Variants in CUL1 observed in about 807,000 individuals in gnomAD.
CUL1 encodes cullin-1.
A neutral mutation model predicts 118.0 loss-of-function variants in CUL1; 24 were observed. The observed-to-expected ratio is 0.20, with a 90% confidence interval of 0.15 to 0.29. The LOEUF is 0.29. Ranked by LOEUF, CUL1 falls within the 10% of genes least tolerant of loss-of-function variation. The pLI is 1.00. For synonymous variants in CUL1, 332 were observed against 340.4 expected, an observed-to-expected ratio of 0.98 and a Z score of 0.27; for missense variants, 361 against 933.8, an observed-to-expected ratio of 0.39 and a Z score of 7.99.
intron 9 of CUL1, among the ~76,000 whole-genome samples, chr7:148,777,947 C>T (rs1054685114): frequency 4.6e-4 from 69 of 151,360 alleles, no homozygotes; most frequent in African/African-American, 1.7e-3. Flanking sequence ...CCTGTAATCT[C>T]AGCTACTTGG....
At chr7:148,795,769 C>CAAAAAAAA (rs915978562) in intron 17 of CUL1, among the ~76,000 whole-genome samples, 1 of 56,100 alleles carries the variant, frequency 1.8e-5, no homozygotes, top group African/African-American at 6.3e-5. Context: ...GACTCTGTCT[C>CAAAAAAAA]AAAAAAAAAA....
intron 9 of CUL1, among the ~76,000 whole-genome samples, chr7:148,778,070 CAAAAAAAAAAAAAA>C (rs1203417069): frequency 7.3e-5 from 1 of 13,792 alleles, no homozygotes. Flanking sequence ...GACCCTGTCT[CAAAAAAAAAAAAAA>C]AAAAAAAAAA....
intron 15 of CUL1, 53 bp from the exon 16 acceptor site, chr7:148,790,257 C>A: frequency 1.3e-6 from 2 of 1,592,372 alleles, no homozygotes; most frequent in Non-Finnish European, 1.7e-6. Flanking sequence ...AGAAACGCTG[C>A]CTGTAGGATG....
chr7:148,756,333 C>CT (rs992783928), intron 3 of CUL1, among the ~76,000 whole-genome samples: 74 of 148,134 alleles, frequency 5.0e-4, no homozygotes, highest in Non-Finnish European at 6.9e-4. Flanking sequence ...ATGTTGATTT[C>CT]TTTTTTTTTT....
At chr7:148,785,826 C>G (rs1800799258) in intron 11 of CUL1, among the ~76,000 whole-genome samples, 1 of 152,104 alleles carries the variant, frequency 6.6e-6, no homozygotes, top group Admixed American at 6.6e-5. Context: ...CTAAGTTAAA[C>G]TGCTCCAAGG....
At chr7:148,727,703 ACT>A (rs1266045243) in intron 1 of CUL1, among the ~76,000 whole-genome samples, 2 of 151,982 alleles carry the variant, frequency 1.3e-5, no homozygotes, top group Admixed American at 6.6e-5. Flanking sequence ...ACTCTCTAGA[ACT>A]CTCTAGGCAG....
intron 2 of CUL1, among the ~76,000 whole-genome samples, chr7:148,748,507 C>G (rs760888866): frequency 6.6e-6 from 1 of 152,276 alleles, no homozygotes; most frequent in Admixed American, 6.5e-5. Flanking sequence ...TTAGTTAACA[C>G]TGCCTCAAAA....
intron 11 of CUL1, among the ~76,000 whole-genome samples, chr7:148,784,990 A>G (rs1386859517): frequency 2.6e-5 from 4 of 152,200 alleles, no homozygotes; most frequent in African/African-American, 9.7e-5. Flanking sequence ...CATAAGGATA[A>G]CCCAGCAGTA....
chr7:148,702,791 T>C (rs545991557), intron 1 of CUL1, among the ~76,000 whole-genome samples: 1 of 152,224 alleles, frequency 6.6e-6, no homozygotes, highest in Admixed American at 6.5e-5. Flanking sequence ...CCTATGTCAC[T>C]ATCACAGTAT....
At chr7:148,699,684 G>T (rs73465465) in intron 1 of CUL1, among the ~76,000 whole-genome samples, 2,001 of 152,070 alleles carry the variant, frequency 0.013, 36 homozygotes, top group African/African-American at 0.046. Context: ...CTTTTGCCCC[G>T]TTCTCCTGGG....
At chr7:148,789,968 G>A (rs1269259480) in intron 15 of CUL1, 142 bp downstream of exon 15, 1 of 797,948 alleles carries the variant, frequency 1.3e-6, no homozygotes, top group African/African-American at 1.7e-5. Flanking sequence ...GCAACACTCA[G>A]GGAAGAGCCC....
At position 148,800,325 on chromosome 7, in the gene CUL1, A is replaced by T. The variant is rs565054701; in HGVS notation, c.2251-177A>T. Among the ~76,000 whole-genome samples, 5 of 152,312 alleles carry T rather than the reference A, an allele frequency of 3.3e-5. No individual in the cohort carries two copies. The highest frequency in any genetic ancestry group is 7.4e-5 in the Non-Finnish European group (5 of 68,024). ...AAGTGTCAGGGAGCTCCGTGCATGAAGGCTTAGCTGCCAGGAAGTAAAACT... is the reference window on the plus strand; with the variant it reads ...AAGTGTCAGGGAGCTCCGTGCATGATGGCTTAGCTGCCAGGAAGTAAAACT... On this transcript the variant is annotated intron_variant, in intron 21 of 21. Coordinates refer to ENST00000325222, the MANE Select transcript of CUL1 (RefSeq NM_003592.3). The surrounding 1 kb of genome is among the most constrained non-coding windows in gnomAD (Gnocchi z 4.6).
intron 1 of CUL1, among the ~76,000 whole-genome samples, chr7:148,709,674 T>A (rs561577999): frequency 1.3e-3 from 199 of 152,338 alleles, no homozygotes; most frequent in Admixed American, 3.6e-3. Flanking sequence ...GTTGAGACTT[T>A]CCACATGAAA....
At chr7:148,711,159 C>T (rs1798038068) in intron 1 of CUL1, among the ~76,000 whole-genome samples, 1 of 152,168 alleles carries the variant, frequency 6.6e-6, no homozygotes, top group Non-Finnish European at 1.5e-5. Context: ...TTATTCTTGA[C>T]TGATTTAAAT....
intron 2 of CUL1, among the ~76,000 whole-genome samples, chr7:148,734,231 G>A (rs552845905): frequency 1.1e-4 from 16 of 152,136 alleles, no homozygotes; most frequent in African/African-American, 3.6e-4. Context: ...TCTTACATGT[G>A]TATAGTTACC....
rs994408700 is a variant in CUL1 at position 148,786,536 on chromosome 7, T to G, written c.1299-15T>G. 1.9e-6 allele frequency: 3 copies of G among 1,608,734 alleles called. No homozygotes were observed. The highest frequency in any genetic ancestry group is 1.7e-6 in the Non-Finnish European group (2 of 1,175,850). ...ACTGATGTTTTAAAACATGGTATCTTTTTAAAATTTTCAGTTCCAAGAACC... is the reference window on the plus strand; with the variant it reads ...ACTGATGTTTTAAAACATGGTATCTGTTTAAAATTTTCAGTTCCAAGAACC... On this transcript the variant is annotated splice_polypyrimidine_tract_variant and intron_variant, in intron 11 of 21. Transcript: ENST00000325222.
chr7:148,800,407 G>A lies in CUL1; in HGVS notation c.2251-95G>A. 1 of 958,990 alleles carries A rather than the reference G, an allele frequency of 1.0e-6. No homozygotes were observed. The highest frequency in any genetic ancestry group is 1.6e-6 in the Non-Finnish European group (1 of 606,274). The allele number at this position is 958,990 out of a possible 1,614,324, so 59.4% of individuals were successfully genotyped here. On this transcript the variant is annotated intron_variant, in intron 21 of 21. Transcript: ENST00000325222. The surrounding 1 kb of genome is among the most constrained non-coding windows in gnomAD (Gnocchi z 4.6). Reference sequence around the variant, plus strand: ...CTCCCCACTGAGCTCCGAATCAGGGGAGATTTGTGGTGGGGGCAGCCTCTC... The same window carrying A: ...CTCCCCACTGAGCTCCGAATCAGGGAAGATTTGTGGTGGGGGCAGCCTCTC...
chr7:148,761,739 C>T (rs375322296), intron 7 of CUL1, among the ~76,000 whole-genome samples: 15 of 152,142 alleles, frequency 9.9e-5, no homozygotes, highest in African/African-American at 3.6e-4. Flanking sequence ...ACTTTATTTA[C>T]AGAAAAAGGC....
intron 2 of CUL1, among the ~76,000 whole-genome samples, chr7:148,741,835 A>C (rs1473937007): frequency 6.6e-6 from 1 of 152,244 alleles, no homozygotes; most frequent in Non-Finnish European, 1.5e-5. Flanking sequence ...CAGCCCCCCA[A>C]AGTGCTGGGA....
Sources: gnomAD v4.1 joint callset for allele counts (sites outside exome capture counted in the v4.1 genomes callset) on GRCh38, gnomAD v4.1.1 for gene constraint, Gnocchi (gnomAD v3.1) non-coding constraint, MANE v1.5 for transcripts, NCBI Gene and HGNC (gene_info 2026-07-23, HGNC 2026-07-21) for gene names.